Variants in CHST11 observed in about 807,000 individuals in gnomAD.
CHST11 encodes carbohydrate sulfotransferase 11.
In CHST11, 9 loss-of-function variants were observed where a neutral mutation model predicts 30.4. The observed-to-expected ratio is 0.30, with a 90% CI of 0.18 to 0.52. The LOEUF (loss-of-function observed/expected upper bound fraction) is 0.52, where lower values mean the gene tolerates loss of function less well. Among genes scored for constraint, CHST11 ranks in the 20% least tolerant of loss-of-function variants. CHST11 has a pLI of 0.97. For synonymous variants in CHST11, 152 were observed against 187.8 expected (o/e 0.81, Z 1.56); for missense variants, 348 against 460.6 (o/e 0.76, Z 2.24).
intron 2 of CHST11, among the ~76,000 whole-genome samples, chr12:104,628,193 C>T (rs553349448): frequency 6.6e-6 from 1 of 152,262 alleles, no homozygotes; most frequent in African/African-American, 2.4e-5. Flanking sequence ...CCATTAAACC[C>T]GAGGTCAGGA....
chr12:104,645,491 C>G (rs2039418701), intron 2 of CHST11, among the ~76,000 whole-genome samples: 1 of 151,988 alleles, frequency 6.6e-6, no homozygotes, highest in South Asian at 2.1e-4. Context: ...CCCAGCTGGG[C>G]TTGTTGGAAA....
At position 104,496,521 on chromosome 12, in the gene CHST11, G is replaced by A. The variant is rs1003206665; in HGVS notation, c.118+38992G>A. Among the ~76,000 whole-genome samples, 3 of 152,128 alleles carry A rather than the reference G, an allele frequency of 2.0e-5. No homozygotes were observed. In the East Asian group the frequency reaches 5.8e-4, roughly 29 times the overall value. On this transcript the variant is annotated intron_variant, in intron 1 of 2. Transcript: ENST00000303694. ...TTCAAATTACATTAGAAAAAAATCC[G>A]TTATGTTATTTTAAGTTGGGGGACC...
intron 2 of CHST11, among the ~76,000 whole-genome samples, chr12:104,675,965 A>G (rs1161601575): frequency 1.3e-5 from 2 of 152,212 alleles, no homozygotes; most frequent in South Asian, 2.1e-4. Flanking sequence ...GCTAAAATCC[A>G]GGTCTGACTC....
At chr12:104,557,404 A>G (rs2038467828) in intron 1 of CHST11, among the ~76,000 whole-genome samples, 1 of 152,186 alleles carries the variant, frequency 6.6e-6, no homozygotes, top group Admixed American at 6.5e-5. Context: ...TGGACTAGGC[A>G]GAGCCATTGA....
Position 104,475,688 on chromosome 12 carries a change from A to ATT in CHST11, c.118+18160_118+18161insTT, listed in dbSNP as rs1251405716. 1.2e-3 allele frequency among the ~76,000 whole-genome samples: 91 copies of ATT among 78,468 alleles called. 6 individuals carry two copies. In the East Asian group the frequency reaches 0.013, roughly 11 times the overall value. 51.5% of individuals were successfully genotyped at this position (78,468 alleles called of 152,430 possible). ...TATATATATATATATATATATATAT[A>ATT]TATTTCTGATTATGAAATTAATTCA... is the stretch of plus-strand genomic sequence containing the variant. On this transcript the variant is annotated intron_variant, in intron 1 of 2. Transcript: ENST00000303694.
At chr12:104,556,779 G>C (rs914359095) in intron 1 of CHST11, among the ~76,000 whole-genome samples, 1 of 152,098 alleles carries the variant, frequency 6.6e-6, no homozygotes, top group East Asian at 1.9e-4. Flanking sequence ...TCAGGAGTTC[G>C]AGACCAGCCT....
chr12:104,591,281 C>G (rs553519431), intron 1 of CHST11, among the ~76,000 whole-genome samples: 43 of 152,198 alleles, frequency 2.8e-4, no homozygotes, highest in Non-Finnish European at 3.7e-4. Context: ...CTGTTATGAT[C>G]TGATTTACGT....
At chr12:104,541,142 A>T (rs1485041985) in intron 1 of CHST11, among the ~76,000 whole-genome samples, 5 of 151,858 alleles carry the variant, frequency 3.3e-5, no homozygotes, top group African/African-American at 1.2e-4. Flanking sequence ...ACACACACAC[A>T]CACACACACA....
At chr12:104,653,740 A>G (rs1338914240) in intron 2 of CHST11, among the ~76,000 whole-genome samples, 2 of 152,148 alleles carry the variant, frequency 1.3e-5, no homozygotes, top group Non-Finnish European at 2.9e-5. Flanking sequence ...TTCTCCATCA[A>G]CTTAACATTA....
intron 2 of CHST11, among the ~76,000 whole-genome samples, chr12:104,737,654 G>A (rs2040312509): frequency 2.0e-5 from 3 of 152,164 alleles, no homozygotes; most frequent in Admixed American, 1.3e-4. Flanking sequence ...CCTTCCTCGG[G>A]GCAGTGGAGG....
At chr12:104,555,867 G>T (rs942682417) in intron 1 of CHST11, among the ~76,000 whole-genome samples, 2 of 152,238 alleles carry the variant, frequency 1.3e-5, no homozygotes, top group Non-Finnish European at 2.9e-5. Context: ...AGGCAGCCCT[G>T]GGGGCGTCCA....
intron 1 of CHST11, among the ~76,000 whole-genome samples, chr12:104,492,125 C>T (rs1171897341): frequency 2.0e-5 from 3 of 152,164 alleles, no homozygotes; most frequent in African/African-American, 7.2e-5. Context: ...GAGATGGAGT[C>T]TCGCTCTGTC....
In CHST11 at chr12:104,559,955, G is replaced by A. The variant is rs140227474; in HGVS notation, c.119-41951G>A. On this transcript the variant is annotated intron_variant, in intron 1 of 2. Transcript: ENST00000303694. ...ACTTTTGCACCAACCTAATATTTTG[G>A]AAGGTACCGTTGAGGAAGTCTTCCC... Among the ~76,000 whole-genome samples the A allele has an allele frequency of 4.4e-3, 665 of 152,284 alleles. 8 individuals are homozygous for A. Among genetic ancestry groups the A allele is most frequent in the African/African-American group, 0.014 (590 of 41,550 alleles).
chr12:104,602,208 G>A lies in CHST11; in HGVS notation c.204+217G>A, dbSNP rs1040850714. 10 of 581,752 alleles carry A rather than the reference G, an allele frequency of 1.7e-5. 1 individual carries two copies. The highest frequency in any genetic ancestry group is 1.7e-4 in the African/African-American group (9 of 53,156). The allele number at this position is 581,752 out of a possible 1,614,324, so 36.0% of individuals were successfully genotyped here. ...AGAATTAGAGAAATGCCTAGGTTTA[G>A]TGCTAAGCATTCAGACCTGCCCAGG... On this transcript the variant is annotated intron_variant, in intron 2 of 2. Transcript: ENST00000303694.
intron 2 of CHST11, among the ~76,000 whole-genome samples, chr12:104,702,410 C>T (rs1273654774): frequency 6.6e-6 from 1 of 152,164 alleles, no homozygotes; most frequent in African/African-American, 2.4e-5. Flanking sequence ...ATCATTTGCA[C>T]AAGGTTCACA....
intron 2 of CHST11, among the ~76,000 whole-genome samples, chr12:104,697,150 G>T (rs544047735): frequency 6.6e-6 from 1 of 152,158 alleles, no homozygotes. Context: ...CAGGACACCC[G>T]CCAGCAGTGG....
rs77837884 is a variant in CHST11 at position 104,526,852 on chromosome 12, C to T, written c.118+69323C>T. On this transcript the variant is annotated intron_variant, in intron 1 of 2. Transcript: ENST00000303694. ...CCCCACAGGGGATGGCAGGGATTTG[C>T]GGTGAATAATAAGGGGTTGAGTCTT... 8.2e-4 allele frequency among the ~76,000 whole-genome samples: 125 copies of T among 152,268 alleles called. 3 individuals are homozygous for T. The East Asian group carries it at 0.022, about 27-fold the overall frequency.
chr12:104,645,552 T>C (rs2039419714), intron 2 of CHST11, among the ~76,000 whole-genome samples: 1 of 152,162 alleles, frequency 6.6e-6, no homozygotes, highest in African/African-American at 2.4e-5. Context: ...TTTTGGCCCC[T>C]TCTGAGTTTG....
chr12:104,541,096 T>C (rs1043103371), intron 1 of CHST11, among the ~76,000 whole-genome samples: 2 of 150,048 alleles, frequency 1.3e-5, no homozygotes, highest in African/African-American at 4.9e-5. Context: ...CGTATGTTTG[T>C]ATTCTGCAGA....
Sources: allele counts gnomAD v4.1 joint callset (sites outside exome capture counted in the v4.1 genomes callset), GRCh38; gene constraint gnomAD v4.1.1; transcripts MANE v1.5; gene names NCBI Gene and HGNC (gene_info 2026-07-23, HGNC 2026-07-21).